ATRNL1: variants seen among roughly 807,000 people sequenced by gnomAD.
ATRNL1 encodes attractin-like protein 1.
ATRNL1 carries 95 observed loss-of-function variants against 182.7 expected under a neutral mutation model. The observed-to-expected ratio is 0.52, with a 90% CI of 0.44 to 0.62. The LOEUF (loss-of-function observed/expected upper bound fraction) is 0.62. Ranked by LOEUF, ATRNL1 falls within the 20% of genes least tolerant of loss-of-function variation. The pLI, the probability that ATRNL1 is intolerant of heterozygous loss-of-function variation, is 0.00. For missense variants in ATRNL1, 1,471 were observed against 1,679.5 expected, an observed-to-expected ratio of 0.88 and a Z score of 2.17; for synonymous variants, 576 against 568.3, an observed-to-expected ratio of 1.01 and a Z score of -0.19.
intron 26 of ATRNL1, among the ~76,000 whole-genome samples, chr10:115,722,145 C>A (rs1424414678): frequency 1.3e-5 from 2 of 152,156 alleles, no homozygotes; most frequent in Non-Finnish European, 2.9e-5. Flanking sequence ...ATATTATCAG[C>A]CAACTCAGTG....
intron 3 of ATRNL1, among the ~76,000 whole-genome samples, chr10:115,122,184 A>G (rs1421575394): frequency 6.6e-6 from 1 of 151,780 alleles, no homozygotes; most frequent in Admixed American, 6.6e-5. Flanking sequence ...TTTTTATTTT[A>G]GTGAAATGGT....
intron 19 of ATRNL1, among the ~76,000 whole-genome samples, chr10:115,368,397 G>C (rs529696336): frequency 6.6e-6 from 1 of 152,182 alleles, no homozygotes; most frequent in African/African-American, 2.4e-5. Flanking sequence ...CACGGTGCAC[G>C]CACCCACTGA....
At chr10:115,345,523 T>C (rs1855937771) in intron 19 of ATRNL1, among the ~76,000 whole-genome samples, 1 of 152,176 alleles carries the variant, frequency 6.6e-6, no homozygotes, top group Non-Finnish European at 1.5e-5. Context: ...AAGAAATCAC[T>C]TCAGTGCCTC....
intron 19 of ATRNL1, among the ~76,000 whole-genome samples, chr10:115,367,851 C>T (rs1384235847): frequency 6.8e-6 from 1 of 147,642 alleles, no homozygotes; most frequent in Non-Finnish European, 1.5e-5. Context: ...GGGTCAGGGA[C>T]CCACTTGAGG....
chr10:115,440,307 CA>C (rs1482922099), intron 21 of ATRNL1, among the ~76,000 whole-genome samples: 1 of 151,724 alleles, frequency 6.6e-6, no homozygotes, highest in East Asian at 1.9e-4. Flanking sequence ...ATTTAGAAAC[CA>C]AAACTGGGGA....
At chr10:115,918,250 A>C (rs1555117896) in intron 28 of ATRNL1, among the ~76,000 whole-genome samples, 4 of 152,030 alleles carry the variant, frequency 2.6e-5, no homozygotes. Context: ...ACAAGCGTGC[A>C]CCACTGTAGC....
At chr10:115,940,672 A>ACTCTCTCTCTCT (rs144547639) in intron 28 of ATRNL1, among the ~76,000 whole-genome samples, 6 of 128,820 alleles carry the variant, frequency 4.7e-5, no homozygotes, top group East Asian at 4.3e-4. Flanking sequence ...GACAGAGATT[A>ACTCTCTCTCTCT]CTCTCTCTCT....
At chr10:115,406,836 T>C (rs1554958383) in intron 20 of ATRNL1, among the ~76,000 whole-genome samples, 2 of 152,160 alleles carry the variant, frequency 1.3e-5, no homozygotes, top group Non-Finnish European at 2.9e-5. Context: ...TGTATGTCTA[T>C]AATGAGACAT....
At chr10:115,104,310 T>G (rs557062397) in intron 1 of ATRNL1, among the ~76,000 whole-genome samples, 12 of 152,208 alleles carry the variant, frequency 7.9e-5, no homozygotes, top group Non-Finnish European at 1.3e-4. Context: ...TGAGCATCTT[T>G]TTATTTACCT....
intron 18 of ATRNL1, among the ~76,000 whole-genome samples, chr10:115,333,455 T>G (rs1855328833): frequency 6.6e-6 from 1 of 151,714 alleles, no homozygotes; most frequent in African/African-American, 2.4e-5. Context: ...CTAAAGAAGA[T>G]ACATATTTAT....
chr10:115,365,019 AT>A (rs1856955010), intron 19 of ATRNL1, among the ~76,000 whole-genome samples: 1 of 150,214 alleles, frequency 6.7e-6, no homozygotes, highest in African/African-American at 2.5e-5. Flanking sequence ...TGGTATCAGA[AT>A]GATGCTGGCC....
chr10:115,887,499 G>A (rs1352038965), intron 28 of ATRNL1, among the ~76,000 whole-genome samples: 4 of 152,042 alleles, frequency 2.6e-5, no homozygotes, highest in Non-Finnish European at 4.4e-5. Context: ...TCTTTTATAA[G>A]GGCACTGGTC....
chr10:115,723,914 A>G (rs1396121822), intron 26 of ATRNL1, among the ~76,000 whole-genome samples: 6 of 152,186 alleles, frequency 3.9e-5, no homozygotes. Context: ...ATAGCAAAAC[A>G]GTTATTATGT....
At chr10:115,930,115 T>C (rs1426126183) in intron 28 of ATRNL1, among the ~76,000 whole-genome samples, 2 of 152,192 alleles carry the variant, frequency 1.3e-5, no homozygotes, top group African/African-American at 4.8e-5. Context: ...ATTCACACTT[T>C]AATGCCGGTG....
chr10:115,132,261 C>A (rs1845281634), intron 5 of ATRNL1, among the ~76,000 whole-genome samples: 1 of 152,146 alleles, frequency 6.6e-6, no homozygotes, highest in African/African-American at 2.4e-5. Flanking sequence ...GACATGAACT[C>A]ATCATTTTTT....
chr10:115,122,468 A>G (rs1844783618), intron 3 of ATRNL1, among the ~76,000 whole-genome samples: 1 of 151,988 alleles, frequency 6.6e-6, no homozygotes, highest in African/African-American at 2.4e-5. Flanking sequence ...GATTTTATAT[A>G]TAATTTAACA....
At chr10:115,118,365 A>G (rs998306764) in intron 1 of ATRNL1, among the ~76,000 whole-genome samples, 3 of 152,168 alleles carry the variant, frequency 2.0e-5, no homozygotes, top group Non-Finnish European at 4.4e-5. Context: ...ATTTTATTTG[A>G]AAATTATTGA....
At position 115,727,286 on chromosome 10, in the gene ATRNL1, C is replaced by G. The variant is rs1555060484; in HGVS notation, c.3834C>G (p.Pro1278=). Residue 1278 remains proline (P), a synonymous_variant, in exon 27 of 29, where the codon CCC becomes CCG. Coordinates refer to ENST00000355044, the MANE Select transcript of ATRNL1 (RefSeq NM_207303.4). ...AACGACAGCAGATGGCCAGCCGTCC[C>G]TTTGCTTCTGTTGATGTAGCTCTGG... ...LRERQQMASR[P]FASVDVALEV... 1 of 1,614,014 alleles carries G rather than the reference C, an allele frequency of 6.2e-7. No individual in the cohort carries two copies. Among genetic ancestry groups the G allele is most frequent in the East Asian group, 2.2e-5 (1 of 44,872 alleles).
chr10:115,705,912 CATG>C (rs1278981652), intron 26 of ATRNL1, among the ~76,000 whole-genome samples: 1 of 151,964 alleles, frequency 6.6e-6, no homozygotes, highest in Admixed American at 6.6e-5. Flanking sequence ...TATTGACAGA[CATG>C]GTCATATTTA....
Sources: allele counts gnomAD v4.1 joint callset (sites outside exome capture counted in the v4.1 genomes callset), GRCh38; gene constraint gnomAD v4.1.1; transcripts MANE v1.5; gene names NCBI Gene and HGNC (gene_info 2026-07-23, HGNC 2026-07-21).